SGCG: variants seen among roughly 807,000 people sequenced by gnomAD.
The protein encoded by SGCG is gamma-sarcoglycan.
Under a neutral mutation model 29.3 loss-of-function variants are expected in SGCG, and 26 were observed. The ratio of observed to expected loss-of-function variants is 0.89; its 90% CI spans 0.65 to 1.23. SGCG has a LOEUF of 1.23. Among genes scored for constraint, SGCG ranks in the 50% most tolerant of loss-of-function variants. The pLI is 0.00. For missense variants in SGCG, 353 were observed against 356.0 expected (o/e 0.99, Z 0.07); for synonymous variants, 145 against 129.7 (o/e 1.12, Z -0.80).
At chr13:23,275,895 A>G (rs769518858) in intron 4 of SGCG, among the ~76,000 whole-genome samples, 29 of 152,222 alleles carry the variant, frequency 1.9e-4, no homozygotes, top group Non-Finnish European at 4.0e-4. Context: ...ATTTTAAATT[A>G]AAGATATCCT....
chr13:23,244,252 C>T (rs1205552317), intron 3 of SGCG: 3 of 152,186 alleles, frequency 2.0e-5, no homozygotes, highest in Non-Finnish European at 4.4e-5. Flanking sequence ...ACCGCCGTAT[C>T]AGGATCACTG....
chr13:23,299,429 TATATATATATATATATATATATA>T (rs1882041590), intron 6 of SGCG, among the ~76,000 whole-genome samples: 5 of 14,250 alleles, frequency 3.5e-4, no homozygotes, highest in Non-Finnish European at 7.6e-4. Flanking sequence ...TATATATATA[TATATATATATATATATATATATA>T]TATATTTTTT....
chr13:23,251,862 G>C (rs182333032), intron 4 of SGCG, among the ~76,000 whole-genome samples: 4,665 of 152,190 alleles, frequency 0.031, 234 homozygotes, highest in African/African-American at 0.11. Flanking sequence ...GAGGTGTACT[G>C]CCAACACAAA....
chr13:23,319,294 C>T (rs1393453423), intron 6 of SGCG, among the ~76,000 whole-genome samples: 2 of 132,078 alleles, frequency 1.5e-5, no homozygotes, highest in Admixed American at 7.9e-5. Flanking sequence ...AGCAAGACTC[C>T]GTCTCAAAAA....
At chr13:23,322,783 C>CCCCCCCCCCCCCCTCCCCCCCG (rs1883098968) in intron 7 of SGCG, among the ~76,000 whole-genome samples, 1 of 99,288 alleles carries the variant, frequency 1.0e-5, no homozygotes, top group Non-Finnish European at 2.1e-5. Context: ...CCCCCCCCCC[C>CCCCCCCCCCCCCCTCCCCCCCG]CCCCCCGCCA....
At chr13:23,222,897 C>G (rs949383640) in intron 2 of SGCG, among the ~76,000 whole-genome samples, 1 of 152,074 alleles carries the variant, frequency 6.6e-6, no homozygotes, top group African/African-American at 2.4e-5. Flanking sequence ...ATTATTATCT[C>G]TTTTTTAAAA....
At chr13:23,250,600 A>G in intron 3 of SGCG, 30 bp from the exon 4 acceptor site, 3 of 1,213,956 alleles carry the variant, frequency 2.5e-6, no homozygotes, top group Non-Finnish European at 2.4e-6. Flanking sequence ...AACAGCACCT[A>G]TTTTGCAAAT....
chr13:23,203,689 T>C lies in SGCG; in HGVS notation c.1-6T>C. On this transcript the variant is annotated splice_polypyrimidine_tract_variant and splice_region_variant and intron_variant, in intron 1 of 7. Transcript: ENST00000218867. ...TCTCTCCTCTCGTGAACACACTCCG[T>C]GGCAGATGGTGCGTGAGCAGTACAC... 6.2e-7 allele frequency: 1 copy of C among 1,609,028 alleles called. No individual in the cohort carries two copies. Among genetic ancestry groups the C allele is most frequent in the Non-Finnish European group, 8.5e-7 (1 of 1,176,700 alleles).
Position 23,294,713 on chromosome 13 carries a change from C to T in SGCG, c.506-702C>T, listed in dbSNP as rs1351828004. On this transcript the variant is annotated intron_variant, in intron 5 of 7. Coordinates refer to ENST00000218867, the MANE Select transcript of SGCG (RefSeq NM_000231.3). ...CTCTGAATTCAAATTACAGCCTTGC[C>T]ACTTCTCGGCTGTGGAACTCTAGGC... Among the ~76,000 whole-genome samples, 4 of 152,170 alleles carry T rather than the reference C, an allele frequency of 2.6e-5. No individual in the cohort carries two copies. The East Asian group carries it at 5.8e-4, about 22-fold the overall frequency.
the SGCG span, among the ~76,000 whole-genome samples, chr13:23,170,851 A>G: frequency 6.6e-6 from 1 of 152,218 alleles, no homozygotes; most frequent in Non-Finnish European, 1.5e-5. Context: ...ATGGGAGTCT[A>G]GCTTCTCTGC....
intron 4 of SGCG, chr13:23,268,129 A>T (rs1463493209): frequency 2.0e-5 from 3 of 153,190 alleles, no homozygotes; most frequent in African/African-American, 4.8e-5. Flanking sequence ...GATTGGTGGA[A>T]ATTTATGGGC....
chr13:23,224,598 A>T (rs1399133381), intron 2 of SGCG, among the ~76,000 whole-genome samples: 1 of 152,196 alleles, frequency 6.6e-6, no homozygotes, highest in East Asian at 1.9e-4. Flanking sequence ...CCTACACTAC[A>T]TGGGCAAATG....
rs1883001175 is a variant in SGCG, at chr13:23,320,636, G to C, written c.579-1G>C. 1 of 1,413,242 alleles carries C rather than the reference G, an allele frequency of 7.1e-7. No individual in the cohort carries two copies. The highest frequency in any genetic ancestry group is 1.2e-5 in the South Asian group (1 of 83,876). 87.5% of individuals were successfully genotyped at this position (1,413,242 alleles called of 1,614,324 possible). A position where few individuals can be genotyped will look rare whatever the true frequency, so the allele number is the denominator to read the frequency against. Reference sequence around the variant, plus strand: ...TTTTGTGCTTCTTTTCCTCATCTCAGATTAGAATCCCCCACTCGGAGTCTA... The same window carrying C: ...TTTTGTGCTTCTTTTCCTCATCTCACATTAGAATCCCCCACTCGGAGTCTA... On this transcript the variant is annotated splice_acceptor_variant, in intron 6 of 7. Transcript: ENST00000218867. LOFTEE classifies it high-confidence loss of function.
intron 7 of SGCG, among the ~76,000 whole-genome samples, chr13:23,321,561 C>A (rs73441100): frequency 0.031 from 4,783 of 152,262 alleles, 226 homozygotes; most frequent in African/African-American, 0.11. Flanking sequence ...AACAGTGGAT[C>A]TCACCGTGGA....
chr13:23,317,921 G>A lies in SGCG; in HGVS notation c.579-2716G>A, dbSNP rs188601164. Reference sequence around the variant, plus strand: ...AAAGGAGATTATCATTGGAGTTAGTGGGCTGGGGAAGGCAGACCCACCCTT... The same window carrying A: ...AAAGGAGATTATCATTGGAGTTAGTAGGCTGGGGAAGGCAGACCCACCCTT... On this transcript the variant is annotated intron_variant, in intron 6 of 7. Coordinates refer to ENST00000218867, the MANE Select transcript of SGCG (RefSeq NM_000231.3). 8.5e-5 allele frequency among the ~76,000 whole-genome samples: 13 copies of A among 152,232 alleles called. No homozygotes were observed. In the East Asian group the frequency reaches 2.5e-3, roughly 29 times the overall value.
chr13:23,182,769 C>G (rs1342010315), intron 1 of SGCG, among the ~76,000 whole-genome samples: 1 of 152,156 alleles, frequency 6.6e-6, no homozygotes, highest in Non-Finnish European at 1.5e-5. Context: ...TGGGTAGGAC[C>G]ACTGAGGAAT....
At chr13:23,231,773 A>C (rs2137541411) in intron 2 of SGCG, among the ~76,000 whole-genome samples, 1 of 152,292 alleles carries the variant, frequency 6.6e-6, no homozygotes, top group Non-Finnish European at 1.5e-5. Context: ...CAACCTCTTT[A>C]GACTCTGAGC....
intron 2 of SGCG, among the ~76,000 whole-genome samples, chr13:23,224,469 G>A (rs939847331): frequency 8.5e-5 from 13 of 152,110 alleles, no homozygotes; most frequent in African/African-American, 1.7e-4. Flanking sequence ...CGCTAGACAC[G>A]CATAATACAG....
rs554230205 is a variant in SGCG, at chr13:23,183,032, T to C, written c.-1+1957T>C. ...CAATTAATTTTACTTGAGAAACATC[T>C]CTGGAAAGTCTAACATCAATGAAGA... On this transcript the variant is annotated intron_variant, in intron 1 of 7. Coordinates refer to ENST00000218867, the MANE Select transcript of SGCG (RefSeq NM_000231.3). 2.0e-5 allele frequency among the ~76,000 whole-genome samples: 3 copies of C among 152,302 alleles called. No homozygotes were observed. In the South Asian group the frequency reaches 6.2e-4, roughly 32 times the overall value.
Sources: gnomAD v4.1 joint callset for allele counts (sites outside exome capture counted in the v4.1 genomes callset) on GRCh38, gnomAD v4.1.1 for gene constraint, MANE v1.5 for transcripts, NCBI Gene and HGNC (gene_info 2026-07-23, HGNC 2026-07-21) for gene names.